Variants in CUEDC1 observed in about 807,000 individuals in gnomAD.
CUEDC1 encodes the protein CUE domain containing 1.
Under a neutral mutation model 43.7 loss-of-function variants are expected in CUEDC1, and 30 were observed. The observed-to-expected ratio is 0.69, with a 90% CI of 0.51 to 0.93. The LOEUF (loss-of-function observed/expected upper bound fraction) is 0.93. CUEDC1 is among the 40% of genes least tolerant of loss of function. CUEDC1 has a pLI of 0.00. For missense variants in CUEDC1, 486 were observed against 549.0 expected (o/e 0.89, Z 1.15); for synonymous variants, 223 against 223.6 (o/e 1.00, Z 0.02).
intron 5 of CUEDC1, among the ~76,000 whole-genome samples, chr17:57,872,125 C>A (rs2074042740): frequency 6.6e-6 from 1 of 152,208 alleles, no homozygotes; most frequent in African/African-American, 2.4e-5. Context: ...TCTCCTCTAC[C>A]CCAAACGCAC....
At chr17:57,953,176 T>C (rs1004408870) in intron 1 of CUEDC1, among the ~76,000 whole-genome samples, 2 of 152,204 alleles carry the variant, frequency 1.3e-5, no homozygotes, top group African/African-American at 4.8e-5. Flanking sequence ...GCTGGAGCTC[T>C]TAAAGGCCTG....
intron 2 of CUEDC1, among the ~76,000 whole-genome samples, chr17:57,881,696 A>C (rs2074207035): frequency 6.6e-6 from 1 of 152,166 alleles, no homozygotes; most frequent in Admixed American, 6.5e-5. Flanking sequence ...CCCTAAAGGA[A>C]GCTGCTTGGG....
At chr17:57,933,647 T>G (rs572992178) in intron 1 of CUEDC1, among the ~76,000 whole-genome samples, 20 of 152,312 alleles carry the variant, frequency 1.3e-4, no homozygotes, top group African/African-American at 4.8e-4. Flanking sequence ...GTTGCAGGGA[T>G]GCAGGGCTAG....
Position 57,885,555 on chromosome 17 carries a change from G to A in CUEDC1, c.10C>T (p.Leu4=). Residue 4 remains leucine (L), a synonymous_variant, in exon 2 of 11, where the codon CTG becomes TTG. Coordinates refer to ENST00000577830, the MANE Select transcript of CUEDC1 (RefSeq NM_001271875.2). MTS[L]FRRSSSGSGG... ...CTGCCGCTGCTGCTCCGGCGGAACA[G>A]GCTGGTCATTTTGCGGAGCCGCTTG... 7.3e-7 allele frequency: 1 copy of A among 1,360,746 alleles called. No homozygotes were observed. The highest frequency in any genetic ancestry group is 9.4e-7 in the Non-Finnish European group (1 of 1,063,350). The allele number at this position is 1,360,746 out of a possible 1,614,324, so 84.3% of individuals were successfully genotyped here. A position where few individuals can be genotyped will look rare whatever the true frequency, so the allele number is the denominator to read the frequency against.
rs1468633991 is a variant in CUEDC1 at position 57,885,393 on chromosome 17, A to C, written c.172T>G (p.Phe58Val). The C allele has an allele frequency of 6.2e-7, 1 of 1,611,322 alleles. No homozygotes were observed. The highest frequency in any genetic ancestry group is 8.5e-7 in the Non-Finnish European group (1 of 1,179,400). The change falls in exon 2 of 11, where the codon TTC becomes GTC. Residue 58 changes from phenylalanine to valine, a missense_variant. By Grantham distance (50) the Phe-to-Val change is conservative (BLOSUM62 -1). Transcript: ENST00000577830. ...ATGATGTCGTAATCCATGTTGGGGA[A>C]CATGGTCTTGAAGTCGTCCATGGCC... is the stretch of plus-strand genomic sequence containing the variant. Reference protein sequence around the residue: ...NQAMDDFKTMFPNMDYDIIEC... With the variant: ...NQAMDDFKTMVPNMDYDIIEC...
In CUEDC1 at chr17:57,867,362, G is replaced by A. The variant is rs139905264; in HGVS notation, c.1088C>T (p.Ala363Val). ...ANLLDDVEGH[A>V]CDEDFRGRRQ... ...CGACTCCCCTCCAGCCTCACCACAC[G>A]CGTGGCCCTCCACATCATCCAGGAG... The change falls in exon 9 of 11, where the codon GCG (alanine) becomes GTG (valine). Residue 363 changes from alanine (A) to valine (V), a missense_variant. Transcript: ENST00000577830. 8.1e-5 allele frequency: 125 copies of A among 1,551,818 alleles called. No individual in the cohort carries two copies. Among genetic ancestry groups the A allele is most frequent in the African/African-American group, 1.1e-4 (8 of 73,052 alleles).
At position 57,873,642 on chromosome 17, in the gene CUEDC1, G is replaced by T. The variant is rs770449110; in HGVS notation, c.540C>A (p.Asn180Lys). The part of the protein sequence containing the change: ...YRNWNPPLLG[N>K]LPDDFLRILP... ...GGATGCGGAGAAAGTCATCCGGAAG[G>T]TTGCCCAGCAGTGGTGGGTTCCAGT... is the stretch of plus-strand genomic sequence containing the variant. Residue 180 changes from asparagine (N) to lysine (K), a missense_variant, in exon 4 of 11, where the codon AAC becomes AAA. Physicochemically the swap from Asn to Lys is moderately conservative, Grantham distance 94 (BLOSUM62 0). Coordinates refer to ENST00000577830, the MANE Select transcript of CUEDC1 (RefSeq NM_001271875.2). 8 of 1,604,644 alleles carry T rather than the reference G, an allele frequency of 5.0e-6. No homozygotes were observed. The highest frequency in any genetic ancestry group is 3.4e-5 in the Admixed American group (2 of 58,714).
At chr17:57,952,880 G>C (rs2075021239) in intron 1 of CUEDC1, among the ~76,000 whole-genome samples, 1 of 152,086 alleles carries the variant, frequency 6.6e-6, no homozygotes, top group Non-Finnish European at 1.5e-5. Context: ...AGCTCTTCCA[G>C]ATCCCTAGCA....
chr17:57,876,382 T>G (rs768957828), intron 3 of CUEDC1, among the ~76,000 whole-genome samples: 8 of 152,170 alleles, frequency 5.3e-5, no homozygotes, highest in Non-Finnish European at 1.2e-4. Context: ...CTTCTCCACA[T>G]TACTGCCAAT....
Position 57,867,218 on chromosome 17 carries a change from C to T in CUEDC1, c.1093+139G>A, listed in dbSNP as rs990184397. On this transcript the variant is annotated intron_variant, in intron 9 of 10. Coordinates refer to ENST00000577830, the MANE Select transcript of CUEDC1 (RefSeq NM_001271875.2). ...TCGACCAAGTCAGGGGGATCCATAT[C>T]TTTGGGTCACCTGCCCACCAACCCT... 8 of 782,298 alleles carry T rather than the reference C, an allele frequency of 1.0e-5. No homozygotes were observed. The East Asian group carries it at 1.9e-4, about 18-fold the overall frequency. The allele number at this position is 782,298 out of a possible 1,614,324, so 48.5% of individuals were successfully genotyped here.
intron 1 of CUEDC1, among the ~76,000 whole-genome samples, chr17:57,936,684 G>A (rs890809465): frequency 1.3e-5 from 2 of 152,080 alleles, no homozygotes; most frequent in African/African-American, 2.4e-5. Flanking sequence ...GCCGCAACCC[G>A]GGTGAGGCTC....
chr17:57,894,732 C>T (rs974929119), intron 1 of CUEDC1, among the ~76,000 whole-genome samples: 1 of 152,166 alleles, frequency 6.6e-6, no homozygotes, highest in Admixed American at 6.5e-5. Flanking sequence ...TTTTCTCTCT[C>T]CTGCCTCAAC....
At chr17:57,951,317 G>T (rs2075004846) in intron 1 of CUEDC1, among the ~76,000 whole-genome samples, 1 of 152,142 alleles carries the variant, frequency 6.6e-6, no homozygotes, top group Admixed American at 6.5e-5. Flanking sequence ...CACTTACAAA[G>T]TCTTAGAGTA....
intron 2 of CUEDC1, among the ~76,000 whole-genome samples, chr17:57,882,254 G>A (rs917766446): frequency 6.6e-6 from 1 of 151,684 alleles, no homozygotes; most frequent in African/African-American, 2.4e-5. Context: ...AGCACTTTCC[G>A]CTGGCTCAGG....
chr17:57,872,075 G>A (rs768428935), intron 5 of CUEDC1, among the ~76,000 whole-genome samples: 10 of 152,154 alleles, frequency 6.6e-5, no homozygotes, highest in Admixed American at 1.3e-4. Context: ...AAGCTCTCAC[G>A]CTGTGGCCGT....
intron 1 of CUEDC1, among the ~76,000 whole-genome samples, chr17:57,895,419 T>C (rs1208878084): frequency 6.6e-6 from 1 of 152,188 alleles, no homozygotes; most frequent in East Asian, 1.9e-4. Flanking sequence ...TGGGGGTGCC[T>C]GGGTGCCACT....
At chr17:57,878,647 A>ATTAT (rs10528320) in intron 3 of CUEDC1, among the ~76,000 whole-genome samples, 21,514 of 147,262 alleles carry the variant, frequency 0.15, 2,601 homozygotes, top group African/African-American at 0.33. Context: ...AACTACCTTG[A>ATTAT]TTATTTATTT....
Position 57,866,505 on chromosome 17 carries a change from A to G in CUEDC1, c.1133T>C (p.Val378Ala). Residue 378 changes from valine to alanine, a missense_variant, in exon 10 of 11, where the codon GTG becomes GCG. By Grantham distance (64) the Val-to-Ala change is moderately conservative. Transcript: ENST00000577830. ...FRGRRQEAPK[V>A]EEGLREGQ The stretch of plus-strand genomic sequence containing the variant: ...CTGTCCTTCTCGCAGGCCTTCCTCC[A>G]CCTTGGGTGCCTCCTGACGCCTGCC... 6.2e-7 allele frequency: 1 copy of G among 1,614,002 alleles called. No homozygotes were observed.
At chr17:57,900,431 A>G (rs1244621009) in intron 1 of CUEDC1, among the ~76,000 whole-genome samples, 2 of 152,180 alleles carry the variant, frequency 1.3e-5, no homozygotes, top group Non-Finnish European at 2.9e-5. Flanking sequence ...TTCTTTAGCT[A>G]CAGAACCAGA....
Sources: allele counts gnomAD v4.1 joint callset (sites outside exome capture counted in the v4.1 genomes callset), GRCh38; gene constraint gnomAD v4.1.1; transcripts MANE v1.5; gene names NCBI Gene and HGNC (gene_info 2026-07-23, HGNC 2026-07-21).